The following NDRG1 variants were observed in gnomAD, a reference collection of about 807,000 sequenced individuals.
NDRG1 encodes the protein N-myc downstream regulated 1.
NDRG1 carries 32 observed loss-of-function variants against 56.9 expected under a neutral mutation model. The observed-to-expected ratio is 0.56, with a 90% CI of 0.42 to 0.76. The LOEUF (loss-of-function observed/expected upper bound fraction) is 0.76. Ranked by LOEUF, NDRG1 falls within the 30% of genes least tolerant of loss-of-function variation. NDRG1 has a pLI of 0.00. For synonymous variants in NDRG1, 211 were observed against 204.1 expected (o/e 1.03, Z -0.29); for missense variants, 507 against 545.7 (o/e 0.93, Z 0.71).
chr8:133,241,995 C>G, intron 15 of NDRG1, 28 bp downstream of exon 15: 1 of 1,613,682 alleles, frequency 6.2e-7, no homozygotes, highest in Non-Finnish European at 8.5e-7. Context: ...TGCCCCGACC[C>G]ACTGCACACG....
At chr8:133,246,072 G>A (rs1194510365) in intron 13 of NDRG1, among the ~76,000 whole-genome samples, 3 of 152,232 alleles carry the variant, frequency 2.0e-5, no homozygotes, top group Admixed American at 6.5e-5. Context: ...AGGCCCCTCT[G>A]AAAGGTTCCC....
chr8:133,264,271 A>G (rs981345949), intron 4 of NDRG1, among the ~76,000 whole-genome samples: 5 of 152,238 alleles, frequency 3.3e-5, no homozygotes, highest in African/African-American at 1.2e-4. Flanking sequence ...AAAAGACTGA[A>G]AACCATATGC....
intron 3 of NDRG1, among the ~76,000 whole-genome samples, chr8:133,269,282 C>G (rs1857072634): frequency 6.6e-6 from 1 of 152,198 alleles, no homozygotes; most frequent in South Asian, 2.1e-4. Flanking sequence ...ACACCCAGCT[C>G]TTCCACAGTT....
chr8:133,239,412 T>C (rs1424060066), intron 15 of NDRG1: 20 of 577,278 alleles, frequency 3.5e-5, no homozygotes, highest in Non-Finnish European at 5.6e-5. Flanking sequence ...TTTGAGAGTG[T>C]CCCCCTGAGC....
At chr8:133,273,010 A>G (rs774006510) in intron 3 of NDRG1, among the ~76,000 whole-genome samples, 14 of 152,218 alleles carry the variant, frequency 9.2e-5, no homozygotes, top group Non-Finnish European at 1.6e-4. Context: ...CATCCCTAAG[A>G]CCAGCTCAGC....
chr8:133,259,425 C>T, intron 5 of NDRG1, 195 bp from the exon 6 acceptor site: 1 of 637,910 alleles, frequency 1.6e-6, no homozygotes, highest in Admixed American at 2.3e-5. Flanking sequence ...TTCCTACGCT[C>T]CAGGTCCCAT....
At position 133,262,122 on chromosome 8, in the gene NDRG1, T is replaced by C. The variant is rs1372913345; in HGVS notation, c.251A>G (p.Glu84Gly). 6 of 1,614,110 alleles carry C rather than the reference T, an allele frequency of 3.7e-6. No homozygotes were observed. The highest frequency in any genetic ancestry group is 2.2e-5 in the East Asian group (1 of 44,860). The change falls in exon 5 of 16, where the codon GAG (glutamate) becomes GGG (glycine). Residue 84 changes from glutamate (E) to glycine (G), a missense_variant. Glu to Gly is a moderately conservative substitution (Grantham distance 98). Transcript: ENST00000323851. ...NPLFNYEDMQEITQHFAVCHV... is the reference protein window; with the variant it reads ...NPLFNYEDMQGITQHFAVCHV... ...GCAGACGGCAAAGTGCTGGGTGATC[T>C]CCTGCATGTCCTCGTAGTTGAAGAG...
intron 3 of NDRG1, among the ~76,000 whole-genome samples, chr8:133,274,571 T>C (rs1301791101): frequency 1.3e-5 from 2 of 152,176 alleles, no homozygotes; most frequent in East Asian, 1.9e-4. Flanking sequence ...AATGAATAGA[T>C]AAAATTCATT....
chr8:133,249,809 G>A (rs1855909543), intron 10 of NDRG1, among the ~76,000 whole-genome samples: 1 of 152,222 alleles, frequency 6.6e-6, no homozygotes, highest in African/African-American at 2.4e-5. Flanking sequence ...ATTAACATTT[G>A]AGCAGAGATA....
At chr8:133,242,743 G>A (rs568856216) in intron 14 of NDRG1, among the ~76,000 whole-genome samples, 11 of 151,802 alleles carry the variant, frequency 7.2e-5, no homozygotes, top group Non-Finnish European at 1.5e-4. Flanking sequence ...GGAAGAGAAG[G>A]AAGGAAGGAA....
chr8:133,280,418 C>A, intron 2 of NDRG1, 151 bp from the exon 3 acceptor site: 1 of 674,102 alleles, frequency 1.5e-6, no homozygotes, highest in Non-Finnish European at 2.5e-6. Context: ...GCAGGCTTTC[C>A]TTTTCTCTTT....
chr8:133,239,597 C>T (rs1282874560), intron 15 of NDRG1: 1 of 193,414 alleles, frequency 5.2e-6, no homozygotes, highest in Non-Finnish European at 1.1e-5. Context: ...ACGGCAAGTT[C>T]CCGGCATGGC....
At chr8:133,265,548 T>C (rs900832439) in intron 3 of NDRG1, among the ~76,000 whole-genome samples, 2 of 152,104 alleles carry the variant, frequency 1.3e-5, no homozygotes, top group African/African-American at 4.8e-5. Context: ...TGCCCTTCCT[T>C]CTTGTTGAGC....
chr8:133,239,264 G>A (rs913046444), intron 15 of NDRG1, 145 bp from the exon 16 acceptor site: 97 of 1,304,078 alleles, frequency 7.4e-5, no homozygotes, highest in Middle Eastern at 2.6e-4. Context: ...CTGGGCCCCC[G>A]TCCTCTCCAT....
chr8:133,262,475 G>A (rs1025911266), intron 4 of NDRG1, among the ~76,000 whole-genome samples: 1 of 152,132 alleles, frequency 6.6e-6, no homozygotes, highest in Non-Finnish European at 1.5e-5. Context: ...CCAGGGTCAG[G>A]ATGGCCCTGG....
chr8:133,272,485 G>A (rs1052043259), intron 3 of NDRG1, among the ~76,000 whole-genome samples: 26 of 152,332 alleles, frequency 1.7e-4, no homozygotes, highest in African/African-American at 6.0e-4. Context: ...AAGGACACGC[G>A]AGTAGCAAAT....
rs73708706 is a variant in NDRG1, at chr8:133,258,460, G to A, written c.390-34C>T. ...AAAAATACAAATGCATGTCACACAA[G>A]GACAGAGTGACGGGAGCCTCCAAGG... On this transcript the variant is annotated intron_variant, in intron 6 of 15. Coordinates refer to ENST00000323851, the MANE Select transcript of NDRG1 (RefSeq NM_006096.4). 9,624 of 1,592,466 alleles carry A rather than the reference G, an allele frequency of 6.0e-3. 518 individuals are homozygous for A. In the African/African-American group the frequency reaches 0.11, roughly 19 times the overall value.
At chr8:133,267,053 G>A (rs1346884483) in intron 3 of NDRG1, among the ~76,000 whole-genome samples, 1 of 152,136 alleles carries the variant, frequency 6.6e-6, no homozygotes, top group Non-Finnish European at 1.5e-5. Flanking sequence ...CCCAGCGGAG[G>A]AGTGCAGGGG....
At chr8:133,295,203 T>C (rs1479258804) in intron 1 of NDRG1, among the ~76,000 whole-genome samples, 1 of 152,196 alleles carries the variant, frequency 6.6e-6, no homozygotes, top group Non-Finnish European at 1.5e-5. Context: ...ACCTGCTGGT[T>C]CACAGGAGAA....
Sources: gnomAD v4.1 joint callset for allele counts (sites outside exome capture counted in the v4.1 genomes callset) on GRCh38, gnomAD v4.1.1 for gene constraint, MANE v1.5 for transcripts, NCBI Gene and HGNC (gene_info 2026-07-23, HGNC 2026-07-21) for gene names.